Variants in ADAP1 observed in about 807,000 individuals in gnomAD.
ADAP1 encodes arf-GAP with dual PH domain-containing protein 1.
In ADAP1, 31 loss-of-function variants were observed where a neutral mutation model predicts 54.9. That is an observed-to-expected ratio of 0.56 (90% CI 0.42 to 0.76). ADAP1 has a LOEUF of 0.76. Among genes scored for constraint, ADAP1 ranks in the 30% least tolerant of loss-of-function variants. The probability of loss-of-function intolerance (pLI) is 0.00; values close to 1 mark genes in which losing one functional copy is unlikely to be tolerated. For synonymous variants in ADAP1, 313 were observed against 202.6 expected (o/e 1.55, Z -4.63); for missense variants, 535 against 512.4 (o/e 1.04, Z -0.42).
rs533336681 is a variant in ADAP1, at chr7:923,926, C to T, written c.305+2627G>A. On this transcript the variant is annotated intron_variant, in intron 3 of 10. Coordinates refer to ENST00000265846, the MANE Select transcript of ADAP1 (RefSeq NM_006869.4). ...GGGGCAGACGTGGGAGGAAGGTGGA[C>T]GAGTCCCCTGCCCACCTCGCCAGGC... 4.6e-4 allele frequency among the ~76,000 whole-genome samples: 70 copies of T among 152,248 alleles called. No individual in the cohort carries two copies. In the South Asian group the frequency reaches 0.013, roughly 28 times the overall value.
chr7:906,904 G>C (rs904085385), intron 4 of ADAP1, among the ~76,000 whole-genome samples: 1 of 142,968 alleles, frequency 7.0e-6, no homozygotes, highest in African/African-American at 2.6e-5. Flanking sequence ...GCCAGCCTGA[G>C]GACGGCCTGG....
intron 6 of ADAP1, chr7:903,853 G>C: frequency 2.5e-6 from 1 of 394,210 alleles, no homozygotes; most frequent in East Asian, 5.7e-5. Context: ...TGGCCCCAGA[G>C]ACAGCGTGGT....
At chr7:922,727 C>T (rs576063527) in intron 3 of ADAP1, among the ~76,000 whole-genome samples, 191 of 152,250 alleles carry the variant, frequency 1.3e-3, no homozygotes, top group Non-Finnish European at 2.1e-3. Flanking sequence ...TTTGCTTCTA[C>T]GTGGTGGACC....
At chr7:910,737 C>T (rs1178633022) in intron 4 of ADAP1, among the ~76,000 whole-genome samples, 1 of 152,242 alleles carries the variant, frequency 6.6e-6, no homozygotes, top group African/African-American at 2.4e-5. Context: ...GTGGGAACTG[C>T]ATCCCCATAT....
chr7:906,707 GACGGGACATCGGGGACGGGAC>G (rs1845428499), intron 4 of ADAP1, among the ~76,000 whole-genome samples: 1 of 31,372 alleles, frequency 3.2e-5, no homozygotes, highest in Admixed American at 3.6e-4. Flanking sequence ...GGACATGGGG[GACGGGACATCGGGGACGGGAC>G]ATGGGGGACA....
At chr7:937,139 G>A (rs1846789647) in intron 1 of ADAP1, among the ~76,000 whole-genome samples, 2 of 111,942 alleles carry the variant, frequency 1.8e-5, no homozygotes, top group Admixed American at 8.7e-5. Flanking sequence ...TGGGATTTGG[G>A]GGTCACGCCC....
intron 4 of ADAP1, chr7:905,478 A>AG (rs1232016710): frequency 1.3e-4 from 13 of 96,928 alleles, no homozygotes; most frequent in Admixed American, 3.2e-4. Context: ...GGAGAAAGGG[A>AG]AAGGAGAAAG....
intron 6 of ADAP1, among the ~76,000 whole-genome samples, chr7:902,419 C>A (rs4382371): frequency 8.3e-6 from 1 of 120,684 alleles, no homozygotes; most frequent in Non-Finnish European, 1.7e-5. Flanking sequence ...GATTGCACCA[C>A]TGCACTCCAG....
chr7:914,187 T>C (rs966564213), intron 4 of ADAP1, among the ~76,000 whole-genome samples: 1 of 152,208 alleles, frequency 6.6e-6, no homozygotes, highest in African/African-American at 2.4e-5. Context: ...AGGGCAGACC[T>C]GCAGCCACTC....
chr7:899,353 G>A lies in ADAP1; in HGVS notation c.867+66C>T, dbSNP rs542658005. The A allele has an allele frequency of 8.3e-5, 133 of 1,606,974 alleles. No individual in the cohort carries two copies. In the African/African-American group the frequency reaches 1.5e-3, roughly 18 times the overall value. On this transcript the variant is annotated intron_variant, in intron 9 of 10. Coordinates refer to ENST00000265846, the MANE Select transcript of ADAP1 (RefSeq NM_006869.4). ...ACTCGGGAGGCCACCCGCCCTCCTG[G>A]TCACGCATCTGGCAACCCCAGCCAG... is the stretch of plus-strand genomic sequence containing the variant.
intron 8 of ADAP1, 41 bp downstream of exon 8, chr7:900,061 G>C: frequency 6.2e-7 from 1 of 1,609,810 alleles, no homozygotes; most frequent in Non-Finnish European, 8.5e-7. Flanking sequence ...CCACCATGGC[G>C]TACCCCAGGC....
Position 899,900 on chromosome 7 carries a change from C to T in ADAP1, c.795+202G>A, listed in dbSNP as rs572685956. Among the ~76,000 whole-genome samples, 11 of 152,318 alleles carry T rather than the reference C, an allele frequency of 7.2e-5. No homozygotes were observed. The South Asian group carries it at 8.3e-4, about 11-fold the overall frequency. On this transcript the variant is annotated intron_variant, in intron 8 of 10. Coordinates refer to ENST00000265846, the MANE Select transcript of ADAP1 (RefSeq NM_006869.4). ...GGTGAGGAAGCTGGTCAGACGTGAG[C>T]GGGCAGGGAGGGTCTAACCAAAGCC...
At chr7:917,293 G>C (rs1156508747) in intron 4 of ADAP1, among the ~76,000 whole-genome samples, 1 of 65,874 alleles carries the variant, frequency 1.5e-5, no homozygotes, top group African/African-American at 6.9e-5. Context: ...TACCGGGGAG[G>C]TGCACGGGAG....
In ADAP1 at chr7:920,202, A is replaced by C; in HGVS notation, c.306-152T>G. On this transcript the variant is annotated intron_variant, in intron 3 of 10. Coordinates refer to ENST00000265846, the MANE Select transcript of ADAP1 (RefSeq NM_006869.4). The surrounding 1 kb of genome is among the most constrained non-coding windows in gnomAD (Gnocchi z 4.5). ...CCTCTGGGCACAAGATCCCGGAAGAAATGCAGGGTCAGCCTCCTGCCCGGG... is the reference window on the plus strand; with the variant it reads ...CCTCTGGGCACAAGATCCCGGAAGACATGCAGGGTCAGCCTCCTGCCCGGG... 1.6e-6 allele frequency: 1 copy of C among 633,860 alleles called. No individual in the cohort carries two copies. Among genetic ancestry groups the C allele is most frequent in the Non-Finnish European group, 2.7e-6 (1 of 367,626 alleles). 39.3% of individuals were successfully genotyped at this position (633,860 alleles called of 1,614,324 possible).
intron 8 of ADAP1, 40 bp downstream of exon 8, chr7:900,062 T>TAC (rs1562905189): frequency 6.2e-7 from 1 of 1,610,884 alleles, no homozygotes; most frequent in Admixed American, 1.7e-5. Context: ...CACCATGGCG[T>TAC]ACCCCAGGCC....
intron 4 of ADAP1, among the ~76,000 whole-genome samples, chr7:907,830 C>G (rs906605949): frequency 2.0e-5 from 3 of 152,160 alleles, no homozygotes; most frequent in Admixed American, 6.5e-5. Context: ...GGTGCAGACT[C>G]TCCTGGGATC....
Position 935,500 on chromosome 7 carries a change from C to T in ADAP1, c.88G>A (p.Asp30Asn), listed in dbSNP as rs1248501892. 2.6e-6 allele frequency: 4 copies of T among 1,563,210 alleles called. No individual in the cohort carries two copies. The highest frequency in any genetic ancestry group is 2.6e-6 in the Non-Finnish European group (3 of 1,154,130). The change falls in exon 2 of 11, where the codon GAC (aspartate) becomes AAC (asparagine). Residue 30 changes from aspartate (D) to asparagine (N), a missense_variant. Asp to Asn is a conservative substitution (Grantham distance 23, BLOSUM62 1). Coordinates refer to ENST00000265846, the MANE Select transcript of ADAP1 (RefSeq NM_006869.4). ...ACGCCCAGAGTGTAGGAGGCCCAGT[C>T]GGGATCTGCAAGGGAAAGCCGGACG... ...RCADCGAPDP[D>N]WASYTLGVFI...
At chr7:951,418 G>C (rs1847269560) in intron 1 of ADAP1, among the ~76,000 whole-genome samples, 1 of 151,762 alleles carries the variant, frequency 6.6e-6, no homozygotes, top group Non-Finnish European at 1.5e-5. Flanking sequence ...CTGCCCTGGG[G>C]AGTGAAGGGA....
chr7:916,024 C>G (rs979021455), intron 4 of ADAP1, among the ~76,000 whole-genome samples: 1 of 152,240 alleles, frequency 6.6e-6, no homozygotes, highest in Non-Finnish European at 1.5e-5. Context: ...GGAGCCCAGA[C>G]CTGATCTTCC....
Sources: allele counts gnomAD v4.1 joint callset (sites outside exome capture counted in the v4.1 genomes callset), GRCh38; gene constraint gnomAD v4.1.1; non-coding constraint Gnocchi (gnomAD v3.1); transcripts MANE v1.5; gene names NCBI Gene and HGNC (gene_info 2026-07-23, HGNC 2026-07-21).